SMOC2: variants seen among roughly 807,000 people sequenced by gnomAD.
The protein encoded by SMOC2 is SPARC related modular calcium binding 2, also known as SPARC-related modular calcium-binding protein 2.
Under a neutral mutation model 61.4 loss-of-function variants are expected in SMOC2, and 39 were observed. That is an observed-to-expected ratio of 0.64 (90% CI 0.49 to 0.83). The LOEUF (loss-of-function observed/expected upper bound fraction) is 0.83, where lower values mean the gene tolerates loss of function less well. SMOC2 is among the 40% of genes least tolerant of loss of function. The pLI, the probability that SMOC2 is intolerant of heterozygous loss-of-function variation, is 0.00. For missense variants in SMOC2, 556 were observed against 592.9 expected, an observed-to-expected ratio of 0.94 and a Z score of 0.65; for synonymous variants, 247 against 239.9, an observed-to-expected ratio of 1.03 and a Z score of -0.27.
At chr6:168,482,994 A>G (rs1422521202) in intron 1 of SMOC2, among the ~76,000 whole-genome samples, 1 of 152,150 alleles carries the variant, frequency 6.6e-6, no homozygotes, top group East Asian at 1.9e-4. Context: ...GATCAGGAGT[A>G]AGGCAAGGAT....
intron 1 of SMOC2, among the ~76,000 whole-genome samples, chr6:168,474,263 C>T (rs764166389): frequency 3.0e-4 from 45 of 152,094 alleles, no homozygotes; most frequent in Non-Finnish European, 5.6e-4. Context: ...GCTCTGTGCA[C>T]CTGTGCATAA....
intron 9 of SMOC2, among the ~76,000 whole-genome samples, chr6:168,623,482 CTTAT>C (rs146563724): frequency 0.41 from 60,170 of 145,936 alleles, 12,832 homozygotes; most frequent in Middle Eastern, 0.62. Flanking sequence ...CCCCACCTGG[CTTAT>C]TTATTTATTT....
At chr6:168,637,047 C>T (rs1360078456) in intron 9 of SMOC2, among the ~76,000 whole-genome samples, 1 of 151,608 alleles carries the variant, frequency 6.6e-6, no homozygotes, top group Non-Finnish European at 1.5e-5. Flanking sequence ...TCAACTCAAT[C>T]CAGACGTAGA....
At chr6:168,446,910 A>T (rs1263570108) in intron 1 of SMOC2, among the ~76,000 whole-genome samples, 2 of 152,184 alleles carry the variant, frequency 1.3e-5, no homozygotes, top group Admixed American at 6.5e-5. Flanking sequence ...ATGAACCACG[A>T]TTTTATTTTG....
intron 9 of SMOC2, among the ~76,000 whole-genome samples, chr6:168,608,512 C>G (rs1300270155): frequency 6.6e-6 from 1 of 152,162 alleles, no homozygotes; most frequent in African/African-American, 2.4e-5. Context: ...CAAATCAGAT[C>G]AGCACACAGC....
intron 7 of SMOC2, among the ~76,000 whole-genome samples, chr6:168,581,513 T>G (rs1393469441): frequency 6.6e-6 from 1 of 152,244 alleles, no homozygotes; most frequent in Non-Finnish European, 1.5e-5. Context: ...TGAGAATCGC[T>G]GCCCTAGTCA....
At chr6:168,540,847 T>C (rs1039116023) in intron 4 of SMOC2, among the ~76,000 whole-genome samples, 2 of 152,166 alleles carry the variant, frequency 1.3e-5, no homozygotes, top group African/African-American at 4.8e-5. Flanking sequence ...CAGGCTTGTT[T>C]AGCTGCTCTG....
intron 1 of SMOC2, among the ~76,000 whole-genome samples, chr6:168,479,822 G>A (rs1022155393): frequency 2.0e-5 from 3 of 152,164 alleles, no homozygotes. Flanking sequence ...CCCAACCCTT[G>A]CCTCCCACCT....
chr6:168,518,583 ATG>A lies in SMOC2; in HGVS notation c.257-7756_257-7755del, dbSNP rs1366771682. ...AGTGCATGTATGTGACAATGCATGT[ATG>A]TGTGTGAATGTGTGTTCATGTGTGT... On this transcript the variant is annotated intron_variant, in intron 2 of 12. Transcript: ENST00000356284. Among the ~76,000 whole-genome samples, 82 of 132,468 alleles carry A rather than the reference ATG, an allele frequency of 6.2e-4. 1 individual carries two copies. Among genetic ancestry groups the A allele is most frequent in the African/African-American group, 1.2e-3 (40 of 34,390 alleles). The allele number at this position is 132,468 out of a possible 152,430, so 86.9% of individuals were successfully genotyped here. A position where few individuals can be genotyped will look rare whatever the true frequency, so the allele number is the denominator to read the frequency against.
At chr6:168,531,611 G>A (rs1009051028) in intron 4 of SMOC2, among the ~76,000 whole-genome samples, 2 of 152,224 alleles carry the variant, frequency 1.3e-5, no homozygotes, top group African/African-American at 4.8e-5. Flanking sequence ...ATGCTCTGGA[G>A]AGCTGGAGAG....
At position 168,547,215 on chromosome 6, in the gene SMOC2, G is replaced by A. The variant is rs113731545; in HGVS notation, c.562+46G>A. 8.1e-4 allele frequency: 1,261 copies of A among 1,554,100 alleles called. 7 individuals carry two copies. In the African/African-American group the frequency reaches 0.013, roughly 16 times the overall value. ...CACAGTCTGGGTTGGGGAGGAGTGCGAGGGACGGTATGGAGCTGGGAAGTG... is the reference window on the plus strand; with the variant it reads ...CACAGTCTGGGTTGGGGAGGAGTGCAAGGGACGGTATGGAGCTGGGAAGTG... On this transcript the variant is annotated intron_variant, in intron 6 of 12. Transcript: ENST00000356284.
intron 7 of SMOC2, among the ~76,000 whole-genome samples, chr6:168,569,165 G>T (rs1224652843): frequency 6.6e-6 from 1 of 152,172 alleles, no homozygotes; most frequent in Non-Finnish European, 1.5e-5. Context: ...TGCAGTCTCA[G>T]CCTGCTTTGT....
chr6:168,474,872 A>G (rs1444123526), intron 1 of SMOC2, among the ~76,000 whole-genome samples: 1 of 152,160 alleles, frequency 6.6e-6, no homozygotes, highest in Non-Finnish European at 1.5e-5. Context: ...AAGTGCCATA[A>G]AGAGGTTTTG....
intron 7 of SMOC2, among the ~76,000 whole-genome samples, chr6:168,549,529 T>G (rs919219733): frequency 2.6e-5 from 4 of 152,212 alleles, no homozygotes; most frequent in African/African-American, 9.7e-5. Context: ...TTATTATTGA[T>G]TACATGGAAG....
chr6:168,643,200 T>C (rs1250375881), intron 9 of SMOC2, among the ~76,000 whole-genome samples: 1 of 152,004 alleles, frequency 6.6e-6, no homozygotes, highest in Non-Finnish European at 1.5e-5. Context: ...GGCTCCTGGG[T>C]CCTCCCACAG....
At chr6:168,519,100 T>A (rs1325463796) in intron 2 of SMOC2, among the ~76,000 whole-genome samples, 2 of 147,874 alleles carry the variant, frequency 1.4e-5, no homozygotes, top group Non-Finnish European at 3.0e-5. Flanking sequence ...TGAACATGCG[T>A]GTGTGAACGC....
intron 7 of SMOC2, among the ~76,000 whole-genome samples, chr6:168,580,071 C>CTT (rs1784888771): frequency 1.6e-5 from 1 of 63,766 alleles, no homozygotes; most frequent in Non-Finnish European, 3.7e-5. Context: ...CCGAGATGGT[C>CTT]TGTCTTTGTC....
At chr6:168,446,755 A>G (rs548531910) in intron 1 of SMOC2, among the ~76,000 whole-genome samples, 2 of 152,338 alleles carry the variant, frequency 1.3e-5, no homozygotes, top group South Asian at 4.1e-4. Flanking sequence ...AAAGATTGTA[A>G]TAAAACAAAT....
chr6:168,608,188 A>C lies in SMOC2; in HGVS notation c.856A>C (p.Arg286=). ...GCAGCCGAAATGTGACAACACGGCC[A>C]GGGCCCACCCAGCCAAAGCCCGGGA... ...YEQPKCDNTA[R]AHPAKARDLY... The change falls in exon 9 of 13, where the codon AGG becomes CGG. Residue 286 remains arginine (R), a synonymous_variant. Transcript: ENST00000356284. 6.2e-7 allele frequency: 1 copy of C among 1,613,798 alleles called. No homozygotes were observed. The highest frequency in any genetic ancestry group is 1.1e-5 in the South Asian group (1 of 90,972).
Sources: gnomAD v4.1 joint callset for allele counts (sites outside exome capture counted in the v4.1 genomes callset) on GRCh38, gnomAD v4.1.1 for gene constraint, MANE v1.5 for transcripts, NCBI Gene and HGNC (gene_info 2026-07-23, HGNC 2026-07-21) for gene names.